CCDC192: variants seen among roughly 807,000 people sequenced by gnomAD.
CCDC192 encodes the protein coiled-coil domain containing 192, also known as coiled-coil domain-containing protein 192.
At chr5:127,928,982 G>T (rs1006246073) in intron 6 of CCDC192, among the ~76,000 whole-genome samples, 1 of 151,956 alleles carries the variant, frequency 6.6e-6, no homozygotes, top group African/African-American at 2.4e-5. Flanking sequence ...GGCCAGGCTG[G>T]TCTTGAACTC....
At chr5:127,874,985 C>G (rs191514647) in intron 5 of CCDC192, among the ~76,000 whole-genome samples, 366 of 152,158 alleles carry the variant, frequency 2.4e-3, no homozygotes, top group Non-Finnish European at 4.0e-3. Context: ...GCTTAAAAAC[C>G]ATTCTTATGC....
chr5:127,838,319 T>C (rs779090784), intron 5 of CCDC192, among the ~76,000 whole-genome samples: 1 of 152,246 alleles, frequency 6.6e-6, no homozygotes, highest in Non-Finnish European at 1.5e-5. Flanking sequence ...TCATGGTCAC[T>C]TAAAGAGTTC....
In CCDC192 at chr5:127,908,702, G is replaced by A. The variant is rs73786954; in HGVS notation, c.536-32480G>A. Among the ~76,000 whole-genome samples the A allele has an allele frequency of 1.6e-3, 239 of 152,002 alleles. 2 individuals carry two copies. The highest frequency in any genetic ancestry group is 5.4e-3 in the African/African-American group (225 of 41,444). On this transcript the variant is annotated intron_variant, in intron 6 of 6. Transcript: ENST00000514853. ...TTTATTTTATTTTTATTTCTCCCTC[G>A]CATTTCCTTTTGTCATTAAGTGTAA...
chr5:127,734,927 T>C (rs1397185683), intron 2 of CCDC192, among the ~76,000 whole-genome samples: 2 of 150,436 alleles, frequency 1.3e-5, no homozygotes, highest in Non-Finnish European at 3.0e-5. Context: ...AGCTCTTTAG[T>C]TTAATTAGAT....
intron 5 of CCDC192, among the ~76,000 whole-genome samples, chr5:127,823,794 G>A (rs530567555): frequency 1.3e-5 from 2 of 152,178 alleles, no homozygotes; most frequent in African/African-American, 4.8e-5. Context: ...CTACAATCGT[G>A]TTTCAGAAGT....
At chr5:127,919,325 A>T (rs1195490262) in intron 6 of CCDC192, among the ~76,000 whole-genome samples, 1 of 152,206 alleles carries the variant, frequency 6.6e-6, no homozygotes, top group African/African-American at 2.4e-5. Flanking sequence ...CCTTTATCAT[A>T]CCACAGGACA....
Position 127,756,618 on chromosome 5 carries a change from G to A in CCDC192, c.222+2243G>A, listed in dbSNP as rs113882612. ...TACAATAGTGATGTTATCCCCAGGAGCAATTTGGGGAGGTTCAGCCACAGG... is the reference window on the plus strand; with the variant it reads ...TACAATAGTGATGTTATCCCCAGGAACAATTTGGGGAGGTTCAGCCACAGG... On this transcript the variant is annotated intron_variant, in intron 3 of 6. Coordinates refer to ENST00000514853, the MANE Select transcript of CCDC192 (RefSeq NM_001317938.2). 2.4e-4 allele frequency among the ~76,000 whole-genome samples: 36 copies of A among 152,366 alleles called. No homozygotes were observed. The South Asian group carries it at 5.2e-3, about 22-fold the overall frequency.
At chr5:127,713,069 T>A (rs1346635654) in intron 2 of CCDC192, among the ~76,000 whole-genome samples, 1 of 152,138 alleles carries the variant, frequency 6.6e-6, no homozygotes, top group East Asian at 1.9e-4. Flanking sequence ...ACGCTGTCTC[T>A]ACTAAAAATA....
chr5:127,787,490 C>G (rs1243094952), intron 3 of CCDC192, among the ~76,000 whole-genome samples: 1 of 152,132 alleles, frequency 6.6e-6, no homozygotes, highest in Non-Finnish European at 1.5e-5. Flanking sequence ...CTTTGTCCCA[C>G]TGGTTGTTTA....
Position 127,875,537 on chromosome 5 carries a change from G to C in CCDC192, c.412-1G>C. The C allele has an allele frequency of 5.1e-6, 2 of 388,912 alleles. No homozygotes were observed. 24.1% of individuals were successfully genotyped at this position (388,912 alleles called of 1,614,324 possible). A position where few individuals can be genotyped will look rare whatever the true frequency, so the allele number is the denominator to read the frequency against. ...AAACTCTTATTTTTTTTTTTTTTAA[G>C]AAACTAAAGCATGAAAAGAAAGTGA... On this transcript the variant is annotated splice_acceptor_variant, in intron 5 of 6. Transcript: ENST00000514853. LOFTEE classifies it high-confidence loss of function.
upstream of CCDC192, among the ~76,000 whole-genome samples, chr5:127,702,735 C>T (rs569352068): frequency 4.6e-5 from 7 of 152,192 alleles, no homozygotes; most frequent in Admixed American, 1.3e-4. Context: ...ACCTGTACTT[C>T]CTGTCAGAGC....
chr5:127,931,723 T>A (rs528053254), intron 6 of CCDC192, among the ~76,000 whole-genome samples: 37 of 152,230 alleles, frequency 2.4e-4, no homozygotes, highest in African/African-American at 8.9e-4. Context: ...AAGGATGAGA[T>A]CTTGGATTCT....
chr5:127,780,458 TGA>T (rs1756144868), intron 3 of CCDC192, among the ~76,000 whole-genome samples: 1 of 152,230 alleles, frequency 6.6e-6, no homozygotes, highest in Non-Finnish European at 1.5e-5. Context: ...AAGTGTTCCC[TGA>T]TCACTGCATC....
chr5:127,894,005 G>A lies in CCDC192; in HGVS notation c.535+18344G>A, dbSNP rs1580803222. 1.3e-5 allele frequency among the ~76,000 whole-genome samples: 2 copies of A among 150,976 alleles called. 1 individual carries two copies. The highest frequency in any genetic ancestry group is 3.9e-4 in the East Asian group (2 of 5,128). On this transcript the variant is annotated intron_variant, in intron 6 of 6. Transcript: ENST00000514853. ...AATGAATTATAGCAAAAAGATAAAG[G>A]AAAATTGCTTAAGCCTTTGCGGTTT...
intron 6 of CCDC192, among the ~76,000 whole-genome samples, chr5:127,926,054 C>T (rs1753855361): frequency 6.6e-6 from 1 of 152,170 alleles, no homozygotes; most frequent in Non-Finnish European, 1.5e-5. Flanking sequence ...ATGGGGCGTG[C>T]AGAAATTTGA....
chr5:127,780,504 T>C (rs1311128230), intron 3 of CCDC192, among the ~76,000 whole-genome samples: 2 of 152,214 alleles, frequency 1.3e-5, no homozygotes, highest in Non-Finnish European at 2.9e-5. Context: ...TATTTTTTGA[T>C]TATGGCAATT....
rs571737128 is a variant in CCDC192 at position 127,894,828 on chromosome 5, A to G, written c.535+19167A>G. Among the ~76,000 whole-genome samples, 3 of 152,348 alleles carry G rather than the reference A, an allele frequency of 2.0e-5. No homozygotes were observed. In the South Asian group the frequency reaches 6.2e-4, roughly 32 times the overall value. On this transcript the variant is annotated intron_variant, in intron 6 of 6. Coordinates refer to ENST00000514853, the MANE Select transcript of CCDC192 (RefSeq NM_001317938.2). Reference sequence around the variant, plus strand: ...CCATAGGCTAAATCCAGCCAACCAAAGTGTTTTAATTGTTCCTTAAAGTAT... The same window carrying G: ...CCATAGGCTAAATCCAGCCAACCAAGGTGTTTTAATTGTTCCTTAAAGTAT...
At chr5:127,849,635 G>A (rs1750712979) in intron 5 of CCDC192, among the ~76,000 whole-genome samples, 1 of 152,180 alleles carries the variant, frequency 6.6e-6, no homozygotes, top group Non-Finnish European at 1.5e-5. Context: ...GAAATGAAAT[G>A]TTGCCAAATG....
chr5:127,845,419 G>A (rs541377202), intron 5 of CCDC192, among the ~76,000 whole-genome samples: 158 of 152,308 alleles, frequency 1.0e-3, no homozygotes, highest in Non-Finnish European at 1.6e-3. Context: ...TTATAGCTGT[G>A]AATAGTACTG....
Sources: allele counts gnomAD v4.1 joint callset (sites outside exome capture counted in the v4.1 genomes callset), GRCh38; gene constraint gnomAD v4.1.1; transcripts MANE v1.5; gene names NCBI Gene and HGNC (gene_info 2026-07-23, HGNC 2026-07-21).